The following KLHL2 variants were observed in gnomAD, a reference collection of about 807,000 sequenced individuals.
The protein encoded by KLHL2 is kelch-like protein 2.
In KLHL2, 15 loss-of-function variants were observed where a neutral mutation model predicts 75.8. That is an observed-to-expected ratio of 0.20 (90% CI 0.13 to 0.30). KLHL2 has a LOEUF of 0.30. KLHL2 is among the 10% of genes least tolerant of loss of function. KLHL2 has a pLI of 1.00. For missense variants in KLHL2, 381 were observed against 741.0 expected, an observed-to-expected ratio of 0.51 and a Z score of 5.64; for synonymous variants, 214 against 251.9, an observed-to-expected ratio of 0.85 and a Z score of 1.42.
intron 8 of KLHL2, among the ~76,000 whole-genome samples, chr4:165,305,325 GT>G (rs112436394): frequency 2.6e-5 from 4 of 151,880 alleles, no homozygotes; most frequent in Non-Finnish European, 5.9e-5. Flanking sequence ...ACTGCGTGCT[GT>G]TTTTTTGCTT....
chr4:165,244,654 C>A (rs67147529), intron 4 of KLHL2, among the ~76,000 whole-genome samples: 47,578 of 150,216 alleles, frequency 0.32, 7,983 homozygotes, highest in Middle Eastern at 0.37. Context: ...AACAAACAAA[C>A]AAAAAAGGAA....
In KLHL2 at chr4:165,207,805, C is replaced by T. The variant is rs1736927401; in HGVS notation, c.-72C>T. On this transcript the variant is annotated 5_prime_UTR_variant, in exon 1 of 15. Coordinates refer to ENST00000226725, the MANE Select transcript of KLHL2 (RefSeq NM_007246.4). The surrounding 1 kb of genome is among the most constrained non-coding windows in gnomAD (Gnocchi z 4.2). ...ACGCGGCTCGGCGGGCGGGCAGTGC[C>T]GGCGTCCGCGGCTGGAATGGTGCTG... is the stretch of plus-strand genomic sequence containing the variant. 1 of 1,344,756 alleles carries T rather than the reference C, an allele frequency of 7.4e-7. No homozygotes were observed. The highest frequency in any genetic ancestry group is 2.6e-5 in the Admixed American group (1 of 38,870). 83.3% of individuals were successfully genotyped at this position (1,344,756 alleles called of 1,614,324 possible).
intron 2 of KLHL2, among the ~76,000 whole-genome samples, chr4:165,224,855 A>G (rs1738308971): frequency 6.6e-6 from 1 of 152,240 alleles, no homozygotes; most frequent in African/African-American, 2.4e-5. Context: ...TAAACAATCC[A>G]GTTATAATCT....
intron 5 of KLHL2, among the ~76,000 whole-genome samples, chr4:165,269,751 T>C (rs1356270008): frequency 1.3e-5 from 2 of 151,902 alleles, no homozygotes; most frequent in Admixed American, 6.6e-5. Flanking sequence ...TAACATTTTT[T>C]CCTTCATTTC....
At position 165,207,930 on chromosome 4, in the gene KLHL2, C is replaced by G. The variant is rs1376420562; in HGVS notation, c.26+28C>G. ...GAGTGAGCGGGCGGGCGGGCTGCGC[C>G]GCTGCGGATAAGCGCGCCGCTGCGG... On this transcript the variant is annotated intron_variant, in intron 1 of 14. Coordinates refer to ENST00000226725, the MANE Select transcript of KLHL2 (RefSeq NM_007246.4). This position sits in a 1 kb window ranked among gnomAD's most constrained non-coding sequence, Gnocchi z 4.2. 30 of 1,392,900 alleles carry G rather than the reference C, an allele frequency of 2.2e-5. No individual in the cohort carries two copies. The highest frequency in any genetic ancestry group is 2.7e-5 in the Admixed American group (1 of 36,786). 86.3% of individuals were successfully genotyped at this position (1,392,900 alleles called of 1,614,324 possible). A position where few individuals can be genotyped will look rare whatever the true frequency, so the allele number is the denominator to read the frequency against.
intron 4 of KLHL2, among the ~76,000 whole-genome samples, chr4:165,246,006 C>A (rs1740230001): frequency 6.6e-6 from 1 of 152,088 alleles, no homozygotes. Context: ...AGGTCCCTGT[C>A]TTGAAAGGCT....
At chr4:165,291,666 A>G (rs978636377) in intron 5 of KLHL2, among the ~76,000 whole-genome samples, 2 of 152,058 alleles carry the variant, frequency 1.3e-5, no homozygotes, top group Admixed American at 1.3e-4. Context: ...TGGGCTCTCT[A>G]TTCTGTTGTG....
intron 5 of KLHL2, among the ~76,000 whole-genome samples, chr4:165,291,314 G>A (rs142556595): frequency 2.5e-4 from 38 of 152,218 alleles, no homozygotes; most frequent in African/African-American, 8.7e-4. Context: ...CCTTTGCAGA[G>A]CAGAGAAGTT....
intron 3 of KLHL2, among the ~76,000 whole-genome samples, chr4:165,233,064 G>A (rs895139533): frequency 4.6e-5 from 7 of 151,912 alleles, no homozygotes; most frequent in African/African-American, 1.7e-4. Context: ...ATATGCAGAT[G>A]TTCTTTGTTG....
Position 165,289,273 on chromosome 4 carries a change from T to C in KLHL2, c.545-5086T>C, listed in dbSNP as rs115012378. On this transcript the variant is annotated intron_variant, in intron 5 of 14. Coordinates refer to ENST00000226725, the MANE Select transcript of KLHL2 (RefSeq NM_007246.4). ...TGTTGCCAAATAGTGCCCTCTATATTTTAGTAATGCTCCATATATGTTAAC... is the reference window on the plus strand; with the variant it reads ...TGTTGCCAAATAGTGCCCTCTATATCTTAGTAATGCTCCATATATGTTAAC... 7.4e-3 allele frequency among the ~76,000 whole-genome samples: 1,124 copies of C among 152,298 alleles called. 16 individuals are homozygous for C. The highest frequency in any genetic ancestry group is 0.026 in the African/African-American group (1,066 of 41,560).
intron 1 of KLHL2, among the ~76,000 whole-genome samples, chr4:165,214,444 C>A (rs1737398383): frequency 6.6e-6 from 1 of 152,048 alleles, no homozygotes; most frequent in Admixed American, 6.6e-5. Context: ...CTGTCAGGGA[C>A]AAAAAGTGCC....
intron 2 of KLHL2, among the ~76,000 whole-genome samples, chr4:165,223,508 C>T (rs534222201): frequency 2.0e-5 from 3 of 152,172 alleles, no homozygotes; most frequent in East Asian, 3.9e-4. Context: ...AGGGAATAAA[C>T]GTCATCTGTT....
chr4:165,263,805 G>GTTTTT (rs55901119), intron 5 of KLHL2, among the ~76,000 whole-genome samples: 14 of 66,478 alleles, frequency 2.1e-4, no homozygotes, highest in East Asian at 5.8e-4. Flanking sequence ...TTTTTACATT[G>GTTTTT]TTTTTTTTTT....
chr4:165,274,915 C>T (rs2126367335), intron 5 of KLHL2, among the ~76,000 whole-genome samples: 1 of 146,770 alleles, frequency 6.8e-6, no homozygotes, highest in Non-Finnish European at 1.6e-5. Context: ...CGCTGCTCAC[C>T]CCGAGATGCT....
intron 3 of KLHL2, among the ~76,000 whole-genome samples, chr4:165,232,066 A>C (rs1560989488): frequency 6.6e-6 from 1 of 152,174 alleles, no homozygotes; most frequent in African/African-American, 2.4e-5. Flanking sequence ...ATGGTTTTTC[A>C]GCAGTAGATG....
intron 4 of KLHL2, among the ~76,000 whole-genome samples, chr4:165,253,556 G>C (rs1295267779): frequency 3.3e-5 from 5 of 152,112 alleles, no homozygotes; most frequent in African/African-American, 1.2e-4. Context: ...TCCCCTAGTG[G>C]GATATAATTT....
chr4:165,217,621 GT>G (rs1005496445), intron 1 of KLHL2, among the ~76,000 whole-genome samples: 1 of 152,184 alleles, frequency 6.6e-6, no homozygotes, highest in Non-Finnish European at 1.5e-5. Flanking sequence ...ATGTGCACTT[GT>G]AGTAGGCAAG....
chr4:165,318,041 T>G lies in KLHL2; in HGVS notation c.1753+72T>G, dbSNP rs968772744. 1.4e-5 allele frequency: 19 copies of G among 1,382,858 alleles called. No homozygotes were observed. The East Asian group carries it at 4.3e-4, about 32-fold the overall frequency. The allele number at this position is 1,382,858 out of a possible 1,614,324, so 85.7% of individuals were successfully genotyped here. A position where few individuals can be genotyped will look rare whatever the true frequency, so the allele number is the denominator to read the frequency against. On this transcript the variant is annotated intron_variant, in intron 14 of 14. Coordinates refer to ENST00000226725, the MANE Select transcript of KLHL2 (RefSeq NM_007246.4). ...ATTATGAATGTTATATTAACGAAGTTTTTCTGTTATAAGAATAAAGTCTTT... is the reference window on the plus strand; with the variant it reads ...ATTATGAATGTTATATTAACGAAGTGTTTCTGTTATAAGAATAAAGTCTTT...
chr4:165,302,305 T>G (rs1253240166), intron 8 of KLHL2, among the ~76,000 whole-genome samples: 1 of 147,738 alleles, frequency 6.8e-6, no homozygotes, highest in Non-Finnish European at 1.5e-5. Context: ...ATGTTCAGAT[T>G]AAGTCTAAGG....
Sources: gnomAD v4.1 joint callset for allele counts (sites outside exome capture counted in the v4.1 genomes callset) on GRCh38, gnomAD v4.1.1 for gene constraint, Gnocchi (gnomAD v3.1) non-coding constraint, MANE v1.5 for transcripts, NCBI Gene and HGNC (gene_info 2026-07-23, HGNC 2026-07-21) for gene names.